NRXN3: variants seen among roughly 807,000 people sequenced by gnomAD.
NRXN3 encodes neurexin III.
In NRXN3, 32 loss-of-function variants were observed where a neutral mutation model predicts 137.6. The observed-to-expected ratio is 0.23, with a 90% CI of 0.18 to 0.31. NRXN3 has a LOEUF of 0.31. NRXN3 is among the 10% of genes least tolerant of loss of function. The pLI, the probability that NRXN3 is intolerant of heterozygous loss-of-function variation, is 1.00. For synonymous variants in NRXN3, 798 were observed against 784.5 expected, an observed-to-expected ratio of 1.02 and a Z score of -0.29; for missense variants, 1,574 against 2,062.5, an observed-to-expected ratio of 0.76 and a Z score of 4.59.
intron 15 of NRXN3, among the ~76,000 whole-genome samples, chr14:79,193,061 G>A (rs1022699645): frequency 2.6e-5 from 4 of 151,764 alleles, no homozygotes; most frequent in African/African-American, 4.8e-5. Flanking sequence ...GAGCCACCAC[G>A]CCTGGCTATG....
At chr14:78,383,247 T>C (rs570501714) in intron 4 of NRXN3, among the ~76,000 whole-genome samples, 2 of 152,214 alleles carry the variant, frequency 1.3e-5, no homozygotes, top group East Asian at 3.9e-4. Context: ...TTATCAGGCT[T>C]CCCTGCCAAG....
intron 8 of NRXN3, among the ~76,000 whole-genome samples, chr14:78,787,801 C>G (rs967665958): frequency 6.6e-6 from 1 of 152,102 alleles, no homozygotes; most frequent in African/African-American, 2.4e-5. Context: ...GCCATTCTTA[C>G]CCTCAAAGAA....
chr14:79,356,791 G>A (rs1180998734), intron 15 of NRXN3, among the ~76,000 whole-genome samples: 2 of 151,966 alleles, frequency 1.3e-5, no homozygotes, highest in Admixed American at 1.3e-4. Context: ...GCAGTGATGC[G>A]ATCTTGGATC....
chr14:79,384,343 A>G (rs1411531384), intron 15 of NRXN3, among the ~76,000 whole-genome samples: 2 of 152,160 alleles, frequency 1.3e-5, no homozygotes, highest in African/African-American at 4.8e-5. Flanking sequence ...TGTCTAGGAT[A>G]TAATGGAAAC....
At chr14:78,761,808 GA>G (rs2098693224) in intron 8 of NRXN3, among the ~76,000 whole-genome samples, 1 of 152,288 alleles carries the variant, frequency 6.6e-6, no homozygotes, top group South Asian at 2.1e-4. Context: ...AAACATATTA[GA>G]AATGAGTGCT....
chr14:78,457,527 T>C (rs1039713416), intron 4 of NRXN3, among the ~76,000 whole-genome samples: 6 of 152,152 alleles, frequency 3.9e-5, no homozygotes, highest in African/African-American at 1.4e-4. Context: ...CAGGTAGTAC[T>C]GAGGGTTACA....
At chr14:78,487,899 C>T (rs1389662540) in intron 4 of NRXN3, among the ~76,000 whole-genome samples, 1 of 151,848 alleles carries the variant, frequency 6.6e-6, no homozygotes, top group Non-Finnish European at 1.5e-5. Context: ...CTTGTATTTA[C>T]TTCATAAATG....
chr14:79,565,760 C>T lies in NRXN3; in HGVS notation c.3445-98018C>T, dbSNP rs912192960. ...TATTTACAGGGAATAAAGCTAAGCACATTGACTGTTCTTAGGTTAATGGAA... is the reference window on the plus strand; with the variant it reads ...TATTTACAGGGAATAAAGCTAAGCATATTGACTGTTCTTAGGTTAATGGAA... On this transcript the variant is annotated intron_variant, in intron 16 of 20. Coordinates refer to ENST00000335750, the MANE Select transcript of NRXN3 (RefSeq NM_001330195.2). Among the ~76,000 whole-genome samples, 10 of 152,158 alleles carry T rather than the reference C, an allele frequency of 6.6e-5. No homozygotes were observed. In the East Asian group the frequency reaches 1.9e-3, roughly 30 times the overall value.
At chr14:78,757,223 C>T (rs892146346) in intron 8 of NRXN3, among the ~76,000 whole-genome samples, 2 of 152,090 alleles carry the variant, frequency 1.3e-5, no homozygotes, top group African/African-American at 4.8e-5. Flanking sequence ...GCCTAGGTAA[C>T]ATGGTTAAAC....
chr14:79,836,658 C>T (rs2099344600), intron 20 of NRXN3, among the ~76,000 whole-genome samples: 1 of 152,070 alleles, frequency 6.6e-6, no homozygotes, highest in South Asian at 2.1e-4. Context: ...GATTGAGGGT[C>T]CCAGAGAACC....
chr14:79,441,366 C>CTTT (rs869170695), intron 15 of NRXN3, among the ~76,000 whole-genome samples: 1,961 of 67,252 alleles, frequency 0.029, 374 homozygotes, highest in Middle Eastern at 0.1. Flanking sequence ...AACAGAAAAT[C>CTTT]TTTTTTTTTT....
intron 10 of NRXN3, among the ~76,000 whole-genome samples, chr14:78,811,126 T>C (rs2098910244): frequency 6.6e-6 from 1 of 152,174 alleles, no homozygotes; most frequent in Admixed American, 6.5e-5. Flanking sequence ...AAGGAAGAAA[T>C]ATGCTTTGAG....
At chr14:79,703,916 T>C (rs1181763696) in intron 19 of NRXN3, among the ~76,000 whole-genome samples, 1 of 152,106 alleles carries the variant, frequency 6.6e-6, no homozygotes, top group African/African-American at 2.4e-5. Context: ...TAAGGGACTC[T>C]CCCAGAACTC....
At chr14:79,424,610 G>A (rs2095627593) in intron 15 of NRXN3, among the ~76,000 whole-genome samples, 1 of 152,134 alleles carries the variant, frequency 6.6e-6, no homozygotes, top group South Asian at 2.1e-4. Flanking sequence ...GGAAAGCTGG[G>A]AGTTGAACTC....
At chr14:78,387,051 G>T (rs1340321426) in intron 4 of NRXN3, among the ~76,000 whole-genome samples, 2 of 152,026 alleles carry the variant, frequency 1.3e-5, no homozygotes, top group Admixed American at 6.5e-5. Flanking sequence ...AAAATGCTGG[G>T]ATTACAGGTG....
At chr14:79,227,775 TTCCTTCCTTCCC>T (rs2071255390) in intron 15 of NRXN3, among the ~76,000 whole-genome samples, 1 of 72,042 alleles carries the variant, frequency 1.4e-5, no homozygotes, top group African/African-American at 4.4e-5. Context: ...CCTTCCTTCC[TTCCTTCCTTCCC>T]TCCTCCCTTC....
At chr14:78,671,537 T>G (rs1384350157) in intron 6 of NRXN3, among the ~76,000 whole-genome samples, 2 of 152,156 alleles carry the variant, frequency 1.3e-5, no homozygotes, top group African/African-American at 2.4e-5. Context: ...AACCTGCACA[T>G]GGACCCTCTG....
At chr14:79,829,141 T>C (rs2099315003) in intron 20 of NRXN3, among the ~76,000 whole-genome samples, 1 of 152,226 alleles carries the variant, frequency 6.6e-6, no homozygotes, top group South Asian at 2.1e-4. Flanking sequence ...TTTTACATTA[T>C]TAATATTCTG....
intron 19 of NRXN3, among the ~76,000 whole-genome samples, chr14:79,738,315 C>CCACACACACACACACACACACA (rs10539564): frequency 1.2e-4 from 17 of 137,966 alleles, no homozygotes; most frequent in African/African-American, 1.7e-4. Flanking sequence ...ATTTCCCCCG[C>CCACACACACACACACACACACA]CACACACACA....
Sources: allele counts gnomAD v4.1 joint callset (sites outside exome capture counted in the v4.1 genomes callset), GRCh38; gene constraint gnomAD v4.1.1; transcripts MANE v1.5; gene names NCBI Gene and HGNC (gene_info 2026-07-23, HGNC 2026-07-21).